The following SLC35D2 variants were observed in gnomAD, a reference collection of about 807,000 sequenced individuals.
The protein encoded by SLC35D2 is nucleotide sugar transporter SLC35D2.
Under a neutral mutation model 41.8 loss-of-function variants are expected in SLC35D2, and 43 were observed. The ratio of observed to expected loss-of-function variants is 1.03; its 90% CI spans 0.81 to 1.33. SLC35D2 has a LOEUF of 1.33. Among genes scored for constraint, SLC35D2 ranks in the 40% most tolerant of loss-of-function variants. The pLI is 0.00. For missense variants in SLC35D2, 380 were observed against 408.4 expected, an observed-to-expected ratio of 0.93 and a Z score of 0.60; for synonymous variants, 150 against 163.9, an observed-to-expected ratio of 0.92 and a Z score of 0.65.
At chr9:96,317,129 C>G (rs1279112343), downstream of SLC35D2, among the ~76,000 whole-genome samples, 1 of 148,394 alleles carries the variant, frequency 6.7e-6, no homozygotes, top group African/African-American at 2.6e-5. Context: ...CAGAGCAAGA[C>G]TCCCTCTCAA....
At chr9:96,335,364 T>A (rs1587845755) in intron 9 of SLC35D2, among the ~76,000 whole-genome samples, 1 of 150,346 alleles carries the variant, frequency 6.7e-6, no homozygotes, top group Non-Finnish European at 1.5e-5. Flanking sequence ...ATTCTTTTTG[T>A]TTGTTTGTTT....
At chr9:96,377,681 A>C (rs1258117664) in intron 1 of SLC35D2, among the ~76,000 whole-genome samples, 1 of 152,190 alleles carries the variant, frequency 6.6e-6, no homozygotes, top group Non-Finnish European at 1.5e-5. Context: ...CAGTCATGGG[A>C]AGCAAGGTTC....
intron 8 of SLC35D2, among the ~76,000 whole-genome samples, chr9:96,339,397 T>C (rs7032363): frequency 0.29 from 43,739 of 152,110 alleles, 8,702 homozygotes; most frequent in African/African-American, 0.57. Context: ...GCGTGAGCCA[T>C]CGTGACCAGC....
intron 8 of SLC35D2, among the ~76,000 whole-genome samples, chr9:96,342,486 A>G (rs2130903382): frequency 6.6e-6 from 1 of 152,248 alleles, no homozygotes; most frequent in East Asian, 1.9e-4. Flanking sequence ...TTTAAAATTG[A>G]TTGATGGTAG....
In SLC35D2 at chr9:96,358,284, C is replaced by T. The variant is rs112734130; in HGVS notation, c.347+1870G>A. Among the ~76,000 whole-genome samples, 414 of 151,482 alleles carry T rather than the reference C, an allele frequency of 2.7e-3. 1 individual carries two copies. Among genetic ancestry groups the T allele is most frequent in the African/African-American group, 9.0e-3 (372 of 41,284 alleles). Reference sequence around the variant, plus strand: ...GTAGGCAAATTTGTAGAGACCTAAACGTAAAATGTAAACTATAAAAATTCT... The same window carrying T: ...GTAGGCAAATTTGTAGAGACCTAAATGTAAAATGTAAACTATAAAAATTCT... On this transcript the variant is annotated intron_variant, in intron 4 of 11. Transcript: ENST00000253270.
intron 8 of SLC35D2, among the ~76,000 whole-genome samples, chr9:96,342,130 A>G (rs1364620584): frequency 6.6e-6 from 1 of 150,856 alleles, no homozygotes; most frequent in Non-Finnish European, 1.5e-5. Context: ...TTTTTTTTTG[A>G]GATGGAGTCT....
intron 11 of SLC35D2, 31 bp from the exon 12 acceptor site, chr9:96,321,372 G>T: frequency 6.5e-7 from 1 of 1,532,256 alleles, no homozygotes; most frequent in South Asian, 1.1e-5. Flanking sequence ...GAAAATAAAT[G>T]ACTGGGAATT....
chr9:96,356,950 G>A (rs1830051920), intron 4 of SLC35D2, among the ~76,000 whole-genome samples: 1 of 152,148 alleles, frequency 6.6e-6, no homozygotes, highest in Non-Finnish European at 1.5e-5. Context: ...GGGAGGCCGA[G>A]GCAGATGGAT....
intron 8 of SLC35D2, among the ~76,000 whole-genome samples, chr9:96,342,795 G>A (rs1829394845): frequency 6.6e-6 from 1 of 152,154 alleles, no homozygotes; most frequent in South Asian, 2.1e-4. Context: ...AAAGAACAAG[G>A]AGCTGCCCAG....
At chr9:96,376,451 A>G (rs1830964535) in intron 1 of SLC35D2, among the ~76,000 whole-genome samples, 1 of 150,920 alleles carries the variant, frequency 6.6e-6, no homozygotes, top group Non-Finnish European at 1.5e-5. Flanking sequence ...CTAAAAAAAT[A>G]TATAAAAATT....
chr9:96,348,180 A>G (rs1829660326), intron 6 of SLC35D2, among the ~76,000 whole-genome samples: 1 of 152,136 alleles, frequency 6.6e-6, no homozygotes, highest in South Asian at 2.1e-4. Context: ...TTCCTGTAAC[A>G]GGATTACAGG....
chr9:96,354,451 T>C (rs1416427254), intron 4 of SLC35D2, among the ~76,000 whole-genome samples: 1 of 152,032 alleles, frequency 6.6e-6, no homozygotes, highest in Non-Finnish European at 1.5e-5. Flanking sequence ...ACTCTGAATA[T>C]ACACTAGCAA....
At chr9:96,325,839 G>C (rs1828501453) in intron 9 of SLC35D2, among the ~76,000 whole-genome samples, 1 of 152,114 alleles carries the variant, frequency 6.6e-6, no homozygotes. Flanking sequence ...ACTCGGTCTT[G>C]GTCCTAGGCT....
intron 1 of SLC35D2, among the ~76,000 whole-genome samples, chr9:96,376,018 G>A (rs11792075): frequency 0.067 from 10,092 of 151,048 alleles, 433 homozygotes; most frequent in East Asian, 0.22. Flanking sequence ...AAAATTGGCC[G>A]GGCACAGTGG....
downstream of SLC35D2, among the ~76,000 whole-genome samples, chr9:96,317,568 T>C (rs7044393): frequency 0.53 from 81,209 of 152,052 alleles, 21,909 homozygotes; most frequent in African/African-American, 0.6. Flanking sequence ...TGGAAGCAAG[T>C]GTAAAAGTCT....
chr9:96,322,717 GTTT>G (rs57493593), intron 10 of SLC35D2, among the ~76,000 whole-genome samples: 3 of 111,400 alleles, frequency 2.7e-5, no homozygotes, highest in Non-Finnish European at 5.2e-5. Context: ...GTTTTCTGGG[GTTT>G]TTTTTTTTTT....
At chr9:96,322,454 T>A (rs577316675) in intron 10 of SLC35D2, among the ~76,000 whole-genome samples, 1 of 152,020 alleles carries the variant, frequency 6.6e-6, no homozygotes, top group East Asian at 1.9e-4. Context: ...GCCCAGGAAG[T>A]CAAGGCTGCA....
At chr9:96,360,109 C>A (rs1365356161) in intron 4 of SLC35D2, 45 bp downstream of exon 4, 3 of 1,432,444 alleles carry the variant, frequency 2.1e-6, no homozygotes, top group Non-Finnish European at 2.9e-6. Context: ...CCACTGGCAG[C>A]ACAGAGGTGA....
Position 96,371,474 on chromosome 9 carries a change from CAAAAAAAAAAAAAAAA to C in SLC35D2, c.159-3185_159-3170del, listed in dbSNP as rs539576375. On this transcript the variant is annotated intron_variant, in intron 1 of 11. Coordinates refer to ENST00000253270, the MANE Select transcript of SLC35D2 (RefSeq NM_007001.3). ...TGGGTGACAGAGCGAGACTCTGTCT[CAAAAAAAAAAAAAAAA>C]AAAAAAAAAAAAAAAATTTAAACAC... Among the ~76,000 whole-genome samples, 307 of 46,658 alleles carry C rather than the reference CAAAAAAAAAAAAAAAA, an allele frequency of 6.6e-3. 8 individuals are homozygous for C. Among genetic ancestry groups the C allele is most frequent in the African/African-American group, 0.022 (289 of 13,396 alleles). The allele number at this position is 46,658 out of a possible 152,430, so 30.6% of individuals were successfully genotyped here.
Sources: gnomAD v4.1 joint callset for allele counts (sites outside exome capture counted in the v4.1 genomes callset) on GRCh38, gnomAD v4.1.1 for gene constraint, MANE v1.5 for transcripts, NCBI Gene and HGNC (gene_info 2026-07-23, HGNC 2026-07-21) for gene names.